DLG5: variants seen among roughly 807,000 people sequenced by gnomAD.
DLG5 encodes the protein disks large homolog 5.
DLG5 carries 48 observed loss-of-function variants against 189.8 expected under a neutral mutation model. The observed-to-expected ratio is 0.25, with a 90% confidence interval of 0.20 to 0.32. DLG5 has a LOEUF of 0.32. Among genes scored for constraint, DLG5 ranks in the 10% least tolerant of loss-of-function variants. The pLI, the probability that DLG5 is intolerant of heterozygous loss-of-function variation, is 1.00. For synonymous variants in DLG5, 1,016 were observed against 1,054.1 expected (o/e 0.96, Z 0.70); for missense variants, 2,160 against 2,544.7 (o/e 0.85, Z 3.25).
At position 77,854,318 on chromosome 10, in the gene DLG5, G is replaced by T. The variant is rs768889238; in HGVS notation, c.589C>A (p.Arg197=). The T allele has an allele frequency of 1.2e-6, 2 of 1,613,868 alleles. No individual in the cohort carries two copies. Among genetic ancestry groups the T allele is most frequent in the African/African-American group, 1.3e-5 (1 of 74,932 alleles). The change falls in exon 4 of 32, where the codon CGA becomes AGA. Residue 197 remains arginine, a synonymous_variant. Coordinates refer to ENST00000372391, the MANE Select transcript of DLG5 (RefSeq NM_004747.4). ...DYERLKIQCV[R]AMSDLQSLQN... The stretch of plus-strand genomic sequence containing the variant: ...AGGCTCTGCAGGTCCGACATGGCTC[G>T]CACGCACTGGATCTTCAGCCTCTCA...
At chr10:77,908,999 G>C (rs1258067296) in intron 1 of DLG5, among the ~76,000 whole-genome samples, 2 of 152,164 alleles carry the variant, frequency 1.3e-5, no homozygotes, top group East Asian at 3.8e-4. Flanking sequence ...CACAACAGCA[G>C]GATATATATG....
Position 77,819,939 on chromosome 10 carries a change from C to G in DLG5, c.3482G>C (p.Ser1161Thr). The change falls in exon 16 of 32, where the codon AGC becomes ACC. Residue 1161 changes from serine to threonine, a missense_variant. This residue lies in a region of DLG5 where 754 missense variants were observed against 746.5 expected (regional missense o/e 1.01). Coordinates refer to ENST00000372391, the MANE Select transcript of DLG5 (RefSeq NM_004747.4). ...EWAPYSPGHSSRHSNPPLYPS... is the reference protein window; with the variant it reads ...EWAPYSPGHSTRHSNPPLYPS... ...GTATAGCGGGGGGTTGCTGTGCCGG[C>G]TGGAATGCCCAGGCGAGTAAGGTGC... 17 of 1,607,926 alleles carry G rather than the reference C, an allele frequency of 1.1e-5. No individual in the cohort carries two copies. Among genetic ancestry groups the G allele is most frequent in the Non-Finnish European group, 1.4e-5 (16 of 1,177,246 alleles).
chr10:77,804,028 CT>C (rs1309143052), intron 27 of DLG5, among the ~76,000 whole-genome samples: 1 of 151,828 alleles, frequency 6.6e-6, no homozygotes, highest in Non-Finnish European at 1.5e-5. Context: ...GTAGCTGGAA[CT>C]ACAGGCATGA....
At chr10:77,853,587 C>A in intron 4 of DLG5, 50 bp from the exon 5 acceptor site, 1 of 1,454,716 alleles carries the variant, frequency 6.9e-7, no homozygotes, top group Non-Finnish European at 9.2e-7. Context: ...CCCTCACACC[C>A]CGCCCCACCC....
chr10:77,899,905 C>T (rs539507383), intron 1 of DLG5, among the ~76,000 whole-genome samples: 2 of 152,162 alleles, frequency 1.3e-5, no homozygotes, highest in East Asian at 3.9e-4. Context: ...AACACCAACA[C>T]CCAAACATAA....
chr10:77,903,018 C>T lies in DLG5; in HGVS notation c.304+23199G>A, dbSNP rs192322885. On this transcript the variant is annotated intron_variant, in intron 1 of 31. Transcript: ENST00000372391. ...CCCTCATTCAAAAATCCAAAATGCT[C>T]CAGAATCCCAAACTTTCAGAGCATC... Among the ~76,000 whole-genome samples the T allele has an allele frequency of 4.1e-3, 630 of 152,294 alleles. 4 individuals are homozygous for T. Among genetic ancestry groups the T allele is most frequent in the African/African-American group, 0.014 (593 of 41,570 alleles).
Position 77,821,225 on chromosome 10 carries a change from G to A in DLG5, c.3259C>T (p.His1087Tyr), listed in dbSNP as rs1019934721. 1 of 1,614,012 alleles carries A rather than the reference G, an allele frequency of 6.2e-7. No individual in the cohort carries two copies. The highest frequency in any genetic ancestry group is 1.3e-5 in the African/African-American group (1 of 74,950). ...YYPEGDGDSS[H>Y]LPAKKSCDED... ...TCACAGGATTTCTTGGCCGGCAGGT[G>A]GGAGGAGTCCCCATCTCCTTCAGGG... is the stretch of plus-strand genomic sequence containing the variant. The change falls in exon 15 of 32, where the codon CAC (histidine) becomes TAC (tyrosine). Residue 1087 changes from histidine (H) to tyrosine (Y), a missense_variant. This residue lies in a region of DLG5 where 754 missense variants were observed against 746.5 expected (regional missense o/e 1.01). Transcript: ENST00000372391.
intron 2 of DLG5, among the ~76,000 whole-genome samples, chr10:77,857,681 CA>C (rs1371247015): frequency 1.3e-5 from 2 of 152,208 alleles, no homozygotes; most frequent in Non-Finnish European, 2.9e-5. Context: ...TGATAAGATC[CA>C]AATCCATCTC....
upstream of DLG5, chr10:77,927,053 G>T (rs1433794783): frequency 4.4e-6 from 1 of 224,850 alleles, no homozygotes; most frequent in South Asian, 4.7e-5. Flanking sequence ...GGCTCACCGG[G>T]GCCCCGCGGC....
chr10:77,843,380 C>A, intron 6 of DLG5, 67 bp downstream of exon 6: 4 of 1,563,968 alleles, frequency 2.6e-6, no homozygotes, highest in Non-Finnish European at 3.5e-6. Flanking sequence ...CTGTTCTCAT[C>A]CCCTGGTGGT....
chr10:77,826,152 G>A (rs56051176), intron 13 of DLG5, among the ~76,000 whole-genome samples: 11 of 152,222 alleles, frequency 7.2e-5, no homozygotes, highest in Non-Finnish European at 1.6e-4. Flanking sequence ...CCACCCCCAG[G>A]AATGTACCCC....
At chr10:77,838,950 C>T (rs1843284250) in intron 7 of DLG5, among the ~76,000 whole-genome samples, 2 of 152,372 alleles carry the variant, frequency 1.3e-5, no homozygotes, top group Non-Finnish European at 2.9e-5. Context: ...CCTGCTGACT[C>T]GGAACAGGGC....
chr10:77,792,265 A>C lies in DLG5; in HGVS notation c.*175T>G. 1.6e-6 allele frequency: 1 copy of C among 645,076 alleles called. No homozygotes were observed. Among genetic ancestry groups the C allele is most frequent in the Non-Finnish European group, 2.7e-6 (1 of 366,416 alleles). 40.0% of individuals were successfully genotyped at this position (645,076 alleles called of 1,614,324 possible). A position where few individuals can be genotyped will look rare whatever the true frequency, so the allele number is the denominator to read the frequency against. ...GCAGAGTGTGTGGGCCTGGGCCTGG[A>C]TCGCACGCAGCCGTGGCCCTCTGTC... On this transcript the variant is annotated 3_prime_UTR_variant, in exon 32 of 32. Coordinates refer to ENST00000372391, the MANE Select transcript of DLG5 (RefSeq NM_004747.4).
intron 20 of DLG5, chr10:77,816,224 AG>A (rs1243554501): frequency 1.7e-6 from 1 of 598,090 alleles, no homozygotes; most frequent in Non-Finnish European, 3.1e-6. Context: ...GGTCCCTGTA[AG>A]GATCTCGTGA....
chr10:77,828,620 G>GCTCA (rs1842757462), intron 13 of DLG5, among the ~76,000 whole-genome samples: 1 of 151,972 alleles, frequency 6.6e-6, no homozygotes, highest in Non-Finnish European at 1.5e-5. Context: ...TCCAGCCTGA[G>GCTCA]GGACAGAGAG....
At chr10:77,807,987 G>A (rs1440244459) in intron 24 of DLG5, 43 bp from the exon 25 acceptor site, 2 of 1,610,966 alleles carry the variant, frequency 1.2e-6, no homozygotes, top group Non-Finnish European at 1.7e-6. Context: ...CAGAAGCCAG[G>A]GGGCAGCTTG....
intron 1 of DLG5, among the ~76,000 whole-genome samples, chr10:77,894,833 C>T (rs1039349091): frequency 6.6e-6 from 1 of 152,140 alleles, no homozygotes; most frequent in Non-Finnish European, 1.5e-5. Context: ...GGAACAAGGC[C>T]TTTCCTCACT....
upstream of DLG5, among the ~76,000 whole-genome samples, chr10:77,930,706 G>A (rs540657501): frequency 2.0e-5 from 3 of 151,890 alleles, no homozygotes; most frequent in Non-Finnish European, 4.4e-5. Flanking sequence ...CACCCAGGCT[G>A]GAATGCAGTG....
intron 5 of DLG5, chr10:77,845,491 G>C (rs1397923989): frequency 6.6e-6 from 1 of 152,108 alleles, no homozygotes; most frequent in Non-Finnish European, 1.5e-5. Context: ...TTAAAAGTCA[G>C]AATCATAGCA....
Sources: allele counts gnomAD v4.1 joint callset (sites outside exome capture counted in the v4.1 genomes callset), GRCh38; gene constraint gnomAD v4.1.1; regional missense constraint gnomAD v4.1.1; transcripts MANE v1.5; gene names NCBI Gene and HGNC (gene_info 2026-07-23, HGNC 2026-07-21).